SH2D4A: variants seen among roughly 807,000 people sequenced by gnomAD.
SH2D4A encodes SH2 domain-containing protein 4A.
In SH2D4A, 70 loss-of-function variants were observed where a neutral mutation model predicts 64.7. The observed-to-expected ratio is 1.08, with a 90% confidence interval of 0.89 to 1.32. SH2D4A has a LOEUF of 1.32. Among genes scored for constraint, SH2D4A ranks in the 40% most tolerant of loss-of-function variants. The pLI is 0.00. For synonymous variants in SH2D4A, 268 were observed against 200.7 expected, an observed-to-expected ratio of 1.34 and a Z score of -2.83; for missense variants, 706 against 540.1, an observed-to-expected ratio of 1.31 and a Z score of -3.04.
chr8:19,337,411 G>A (rs963544867), intron 4 of SH2D4A, among the ~76,000 whole-genome samples: 1 of 152,136 alleles, frequency 6.6e-6, no homozygotes, highest in Non-Finnish European at 1.5e-5. Flanking sequence ...ACCTCAGAAT[G>A]TGAGCTTATT....
At chr8:19,364,563 C>A (rs770722050) in intron 7 of SH2D4A, among the ~76,000 whole-genome samples, 15 of 152,052 alleles carry the variant, frequency 9.9e-5, no homozygotes, top group Non-Finnish European at 1.9e-4. Flanking sequence ...GTCCCTACCC[C>A]ACTCTCCCCT....
chr8:19,364,424 C>G (rs1177936321), intron 7 of SH2D4A, 142 bp downstream of exon 7: 20 of 865,694 alleles, frequency 2.3e-5, no homozygotes, highest in Non-Finnish European at 3.2e-5. Context: ...AGGTTCATGT[C>G]TAAGCCTTCT....
intron 1 of SH2D4A, among the ~76,000 whole-genome samples, chr8:19,316,456 G>A (rs1191531898): frequency 6.6e-6 from 1 of 152,174 alleles, no homozygotes; most frequent in African/African-American, 2.4e-5. Flanking sequence ...GGATGACTAA[G>A]TGCAAGGGGA....
At chr8:19,374,177 C>G (rs1215410199) in intron 8 of SH2D4A, among the ~76,000 whole-genome samples, 1 of 152,144 alleles carries the variant, frequency 6.6e-6, no homozygotes, top group Non-Finnish European at 1.5e-5. Flanking sequence ...GTTTTGATTC[C>G]TTGCTTCCAG....
chr8:19,366,600 G>A lies in SH2D4A; in HGVS notation c.917+2318G>A, dbSNP rs566251793. ...TCATGAGGTCAGGAGTTCGAGACCA[G>A]CCCGACCAACATGGTGAAACCCCGT... On this transcript the variant is annotated intron_variant, in intron 7 of 9. Coordinates refer to ENST00000265807, the MANE Select transcript of SH2D4A (RefSeq NM_022071.4). 1.5e-4 allele frequency among the ~76,000 whole-genome samples: 23 copies of A among 152,236 alleles called. No individual in the cohort carries two copies. In the South Asian group the frequency reaches 4.8e-3, roughly 32 times the overall value.
intron 3 of SH2D4A, 145 bp from the exon 4 acceptor site, chr8:19,334,541 T>C: frequency 1.3e-6 from 1 of 797,262 alleles, no homozygotes; most frequent in Non-Finnish European, 1.9e-6. Flanking sequence ...TTTACACACC[T>C]AGCAAAGGGC....
chr8:19,384,466 T>A (rs1171937448), intron 8 of SH2D4A, among the ~76,000 whole-genome samples: 2 of 152,258 alleles, frequency 1.3e-5, no homozygotes, highest in Admixed American at 6.5e-5. Flanking sequence ...AACACCCATT[T>A]TTTCAGTTCC....
intron 7 of SH2D4A, 84 bp from the exon 8 acceptor site, chr8:19,373,446 A>ATG: frequency 2.6e-6 from 1 of 389,410 alleles, no homozygotes; most frequent in Non-Finnish European, 3.7e-6. Context: ...GTGTGTGTGT[A>ATG]TATATATATA....
At chr8:19,375,900 A>G (rs1023818151) in intron 8 of SH2D4A, among the ~76,000 whole-genome samples, 2 of 152,034 alleles carry the variant, frequency 1.3e-5, no homozygotes, top group Non-Finnish European at 2.9e-5. Context: ...AAAAGTTCCA[A>G]ACTCCTCCCT....
At chr8:19,314,032 TGTCC>T (rs2052042467) in intron 1 of SH2D4A, 2 of 14,616 alleles carry the variant, frequency 1.4e-4, no homozygotes, top group Non-Finnish European at 7.4e-5. Flanking sequence ...CCGCGGCGGG[TGTCC>T]GGTGTCCGGT....
At chr8:19,374,117 G>T (rs2053156366) in intron 8 of SH2D4A, among the ~76,000 whole-genome samples, 1 of 152,194 alleles carries the variant, frequency 6.6e-6, no homozygotes, top group South Asian at 2.1e-4. Flanking sequence ...TTCCCCATCT[G>T]TTAAATGAAG....
chr8:19,357,182 T>G (rs1196108529), intron 4 of SH2D4A, 21 bp from the exon 5 acceptor site: 2 of 1,580,616 alleles, frequency 1.3e-6, no homozygotes, highest in African/African-American at 1.3e-5. Flanking sequence ...ATGCCATAAA[T>G]GTGTTTCGTT....
At chr8:19,350,641 G>A (rs951930929) in intron 4 of SH2D4A, among the ~76,000 whole-genome samples, 5 of 151,922 alleles carry the variant, frequency 3.3e-5, no homozygotes, top group African/African-American at 1.2e-4. Flanking sequence ...ACACAACCAC[G>A]CCCAGCCCAC....
intron 4 of SH2D4A, among the ~76,000 whole-genome samples, chr8:19,344,894 C>A (rs2052587984): frequency 1.3e-5 from 2 of 152,108 alleles, no homozygotes; most frequent in Admixed American, 6.5e-5. Context: ...CTGTAAATAG[C>A]CTCGTTAGTT....
chr8:19,321,736 G>A (rs1330200547), intron 2 of SH2D4A, among the ~76,000 whole-genome samples: 1 of 152,064 alleles, frequency 6.6e-6, no homozygotes, highest in Non-Finnish European at 1.5e-5. Flanking sequence ...TCTCTTCTGG[G>A]CACCATGTTC....
In SH2D4A at chr8:19,364,111, T is replaced by A; in HGVS notation, c.746T>A (p.Leu249Ter). Residue 249 changes from leucine (L) to a stop codon, truncating the protein, a stop_gained, in exon 7 of 10, where the codon TTG becomes TAG. Transcript: ENST00000265807. LOFTEE classifies it high-confidence loss of function. ...GCAGCTGATGAGAAGAGACGCTCCT[T>A]GGCTAAACAAGCACGAGAAGACTAC... ...SKAADEKRRS[L>*]AKQAREDYKR... 4 of 1,614,020 alleles carry A rather than the reference T, an allele frequency of 2.5e-6. No homozygotes were observed. Among genetic ancestry groups the A allele is most frequent in the Non-Finnish European group, 3.4e-6 (4 of 1,179,952 alleles).
Position 19,313,819 on chromosome 8 carries a change from C to T in SH2D4A, c.-209C>T. The T allele has an allele frequency of 6.7e-7, 1 of 1,501,696 alleles. No individual in the cohort carries two copies. The highest frequency in any genetic ancestry group is 8.8e-7 in the Non-Finnish European group (1 of 1,131,116). The allele number at this position is 1,501,696 out of a possible 1,614,324, so 93.0% of individuals were successfully genotyped here. On this transcript the variant is annotated 5_prime_UTR_variant, in exon 1 of 10. Coordinates refer to ENST00000265807, the MANE Select transcript of SH2D4A (RefSeq NM_022071.4). ...AGCCACCCTGCCCAGGGGCGCCCAG[C>T]ACTGGTAGGTGCTGGGGGTGGGGCG...
At chr8:19,351,369 C>T (rs1002729751) in intron 4 of SH2D4A, among the ~76,000 whole-genome samples, 18 of 152,028 alleles carry the variant, frequency 1.2e-4, no homozygotes, top group African/African-American at 3.1e-4. Context: ...TTTGGGAGGC[C>T]GAGGCGGGTG....
intron 5 of SH2D4A, among the ~76,000 whole-genome samples, chr8:19,358,769 C>T (rs982323770): frequency 6.6e-6 from 1 of 152,196 alleles, no homozygotes; most frequent in Non-Finnish European, 1.5e-5. Context: ...CTAAGTGCTT[C>T]CATCAACAGG....
Sources: gnomAD v4.1 joint callset for allele counts (sites outside exome capture counted in the v4.1 genomes callset) on GRCh38, gnomAD v4.1.1 for gene constraint, MANE v1.5 for transcripts, NCBI Gene and HGNC (gene_info 2026-07-23, HGNC 2026-07-21) for gene names.